Variants in MKLN1 observed in about 807,000 individuals in gnomAD.
MKLN1 encodes muskelin.
MKLN1 carries 18 observed loss-of-function variants against 99.0 expected under a neutral mutation model. The observed-to-expected ratio is 0.18, with a 90% confidence interval of 0.13 to 0.27. The LOEUF is 0.27. MKLN1 is among the 10% of genes least tolerant of loss of function. MKLN1 has a pLI of 1.00. For missense variants in MKLN1, 621 were observed against 875.9 expected, an observed-to-expected ratio of 0.71 and a Z score of 3.67; for synonymous variants, 288 against 293.2, an observed-to-expected ratio of 0.98 and a Z score of 0.18.
intron 1 of MKLN1, among the ~76,000 whole-genome samples, chr7:131,337,497 A>G (rs769409873): frequency 3.3e-5 from 5 of 151,828 alleles, no homozygotes; most frequent in Non-Finnish European, 7.4e-5. Flanking sequence ...TTTTAACCCC[A>G]TCTATTCTTA....
At chr7:131,274,069 C>T (rs17165530) in intron 3 of MKLN1, among the ~76,000 whole-genome samples, 29,370 of 152,008 alleles carry the variant, frequency 0.19, 4,514 homozygotes, top group African/African-American at 0.43. Flanking sequence ...ATAGGGACAA[C>T]TGTGCTGAGG....
At chr7:131,220,804 C>A (rs1378839470) in intron 3 of MKLN1, among the ~76,000 whole-genome samples, 1 of 152,138 alleles carries the variant, frequency 6.6e-6, no homozygotes, top group African/African-American at 2.4e-5. Flanking sequence ...TCTGGAGGAA[C>A]AGAGAGGGTA....
At position 131,430,149 on chromosome 7, in the gene MKLN1, A is replaced by G. The variant is rs573276213; in HGVS notation, c.960+1004A>G. Among the ~76,000 whole-genome samples, 12 of 152,318 alleles carry G rather than the reference A, an allele frequency of 7.9e-5. No homozygotes were observed. The South Asian group carries it at 2.5e-3, about 32-fold the overall frequency. ...CTATAACAAAACAGTAGGAGCCTCAAATGAAAAGGAGATAAAACGGCCTAA... is the reference window on the plus strand; with the variant it reads ...CTATAACAAAACAGTAGGAGCCTCAGATGAAAAGGAGATAAAACGGCCTAA... On this transcript the variant is annotated intron_variant, in intron 9 of 17. Coordinates refer to ENST00000352689, the MANE Select transcript of MKLN1 (RefSeq NM_013255.5).
chr7:131,476,269 T>G (rs1293793768), intron 16 of MKLN1, among the ~76,000 whole-genome samples: 2 of 152,164 alleles, frequency 1.3e-5, no homozygotes, highest in Non-Finnish European at 2.9e-5. Context: ...AGCCCCTCTA[T>G]TCAACATTCT....
intron 1 of MKLN1, among the ~76,000 whole-genome samples, chr7:131,118,858 C>A (rs1584771404): frequency 6.6e-6 from 1 of 152,208 alleles, no homozygotes; most frequent in South Asian, 2.1e-4. Flanking sequence ...CCAATCACCT[C>A]CCACCAGGTC....
chr7:131,283,343 CCCCTCCTTCCTT>C (rs1404139726), intron 3 of MKLN1, among the ~76,000 whole-genome samples: 6,470 of 74,574 alleles, frequency 0.087, 545 homozygotes, highest in South Asian at 0.13. Context: ...CCCTTCCCTT[CCCCTCCTTCCTT>C]CCTTCCTTCC....
rs181426539 is a variant in MKLN1 at position 131,448,383 on chromosome 7, A to G, written c.1525+2480A>G. On this transcript the variant is annotated intron_variant, in intron 12 of 17. Transcript: ENST00000352689. ...GTACAGTATCGACAATTATTCTTCAATCATGGTTATGGCTAGCTTTAGAGC... is the reference window on the plus strand; with the variant it reads ...GTACAGTATCGACAATTATTCTTCAGTCATGGTTATGGCTAGCTTTAGAGC... Among the ~76,000 whole-genome samples, 399 of 152,336 alleles carry G rather than the reference A, an allele frequency of 2.6e-3. 4 individuals are homozygous for G. Among genetic ancestry groups the G allele is most frequent in the African/African-American group, 8.9e-3 (372 of 41,586 alleles).
chr7:131,360,567 C>T (rs1381646454), intron 1 of MKLN1, among the ~76,000 whole-genome samples: 1 of 152,158 alleles, frequency 6.6e-6, no homozygotes, highest in Non-Finnish European at 1.5e-5. Context: ...TACCTAATAT[C>T]AGAGTATTTC....
At chr7:131,439,193 T>C (rs1239352040) in intron 10 of MKLN1, among the ~76,000 whole-genome samples, 1 of 152,156 alleles carries the variant, frequency 6.6e-6, no homozygotes, top group Non-Finnish European at 1.5e-5. Flanking sequence ...CTGGTTCTGA[T>C]CTTTTAAAAA....
chr7:131,428,954 T>C, intron 8 of MKLN1, 79 bp from the exon 9 acceptor site: 1 of 1,111,712 alleles, frequency 9.0e-7, no homozygotes, highest in African/African-American at 1.6e-5. Context: ...TAAGTGGCCT[T>C]AGAAACAGCT....
intron 3 of MKLN1, among the ~76,000 whole-genome samples, chr7:131,289,906 G>A (rs1439460297): frequency 6.6e-6 from 1 of 152,166 alleles, no homozygotes; most frequent in Non-Finnish European, 1.5e-5. Context: ...CTGACCAAGG[G>A]CCTTTTTGTT....
intron 3 of MKLN1, among the ~76,000 whole-genome samples, chr7:131,314,415 A>G (rs1798625225): frequency 6.6e-6 from 1 of 151,956 alleles, no homozygotes; most frequent in Non-Finnish European, 1.5e-5. Flanking sequence ...GAGGAGGTTG[A>G]ATCTCATTTT....
At chr7:131,143,637 G>T (rs1345233574) in intron 2 of MKLN1, among the ~76,000 whole-genome samples, 1 of 151,928 alleles carries the variant, frequency 6.6e-6, no homozygotes, top group Non-Finnish European at 1.5e-5. Context: ...ATCAGCCTGG[G>T]CAACATAGCA....
At chr7:131,148,080 G>A (rs761192031) in intron 2 of MKLN1, among the ~76,000 whole-genome samples, 6 of 152,018 alleles carry the variant, frequency 3.9e-5, no homozygotes, top group African/African-American at 1.2e-4. Context: ...ACAGAGTTTC[G>A]CTCTGTTGCC....
rs375540495 is a variant in MKLN1, at chr7:131,451,900, T to C, written c.1525+5997T>C. ...TTTTCTATAGAAACTCAGTCTACTATAGTAAGAGTGCTTTCTCCTGTTCGT... is the reference window on the plus strand; with the variant it reads ...TTTTCTATAGAAACTCAGTCTACTACAGTAAGAGTGCTTTCTCCTGTTCGT... On this transcript the variant is annotated intron_variant, in intron 12 of 17. Transcript: ENST00000352689. 1.3e-4 allele frequency among the ~76,000 whole-genome samples: 20 copies of C among 152,350 alleles called. No homozygotes were observed. The South Asian group carries it at 3.5e-3, about 27-fold the overall frequency.
At chr7:131,265,735 A>G (rs1320081683) in intron 3 of MKLN1, among the ~76,000 whole-genome samples, 1 of 152,216 alleles carries the variant, frequency 6.6e-6, no homozygotes, top group African/African-American at 2.4e-5. Flanking sequence ...TAGTACTTCA[A>G]AAAAAGCCTG....
At chr7:131,299,676 A>G (rs1176078098) in intron 3 of MKLN1, among the ~76,000 whole-genome samples, 1 of 152,228 alleles carries the variant, frequency 6.6e-6, no homozygotes, top group Non-Finnish European at 1.5e-5. Context: ...AGTTAATTCT[A>G]AACAGAACTA....
chr7:131,214,968 T>C (rs927729997), intron 3 of MKLN1, among the ~76,000 whole-genome samples: 2 of 152,242 alleles, frequency 1.3e-5, no homozygotes, highest in Non-Finnish European at 2.9e-5. Context: ...ATTAAGTATG[T>C]TATCTTTTGT....
At chr7:131,483,975 CAT>C (rs1165343000) in intron 17 of MKLN1, among the ~76,000 whole-genome samples, 1 of 152,110 alleles carries the variant, frequency 6.6e-6, no homozygotes, top group South Asian at 2.1e-4. Flanking sequence ...TGCATACACT[CAT>C]ATAAATATAT....
Sources: gnomAD v4.1 joint callset for allele counts (sites outside exome capture counted in the v4.1 genomes callset) on GRCh38, gnomAD v4.1.1 for gene constraint, MANE v1.5 for transcripts, NCBI Gene and HGNC (gene_info 2026-07-23, HGNC 2026-07-21) for gene names.